CHST11: variants seen among roughly 807,000 people sequenced by gnomAD.
The protein encoded by CHST11 is C4S-1.
A neutral mutation model predicts 30.4 loss-of-function variants in CHST11; 9 were observed. The observed-to-expected ratio is 0.30, with a 90% CI of 0.18 to 0.52. The LOEUF (loss-of-function observed/expected upper bound fraction) is 0.52, where lower values mean the gene tolerates loss of function less well. Among genes scored for constraint, CHST11 ranks in the 20% least tolerant of loss-of-function variants. The pLI, the probability that CHST11 is intolerant of heterozygous loss-of-function variation, is 0.97. For synonymous variants in CHST11, 152 were observed against 187.8 expected, an observed-to-expected ratio of 0.81 and a Z score of 1.56; for missense variants, 348 against 460.6, an observed-to-expected ratio of 0.76 and a Z score of 2.24.
At chr12:104,481,293 A>G (rs2037619679) in intron 1 of CHST11, among the ~76,000 whole-genome samples, 1 of 152,094 alleles carries the variant, frequency 6.6e-6, no homozygotes, top group African/African-American at 2.4e-5. Context: ...TATGAGCACC[A>G]CACTCTTGCC....
intron 1 of CHST11, among the ~76,000 whole-genome samples, chr12:104,539,595 C>A (rs2038268472): frequency 6.6e-6 from 1 of 152,098 alleles, no homozygotes; most frequent in Non-Finnish European, 1.5e-5. Flanking sequence ...ACTGAGAAAG[C>A]CAGGACACGT....
At chr12:104,715,795 C>T (rs964079676) in intron 2 of CHST11, among the ~76,000 whole-genome samples, 1 of 152,188 alleles carries the variant, frequency 6.6e-6, no homozygotes, top group Non-Finnish European at 1.5e-5. Flanking sequence ...TGGGGGATAT[C>T]GCTCAGGGAT....
At chr12:104,589,362 C>G (rs918199958) in intron 1 of CHST11, among the ~76,000 whole-genome samples, 1 of 149,410 alleles carries the variant, frequency 6.7e-6, no homozygotes, top group Non-Finnish European at 1.5e-5. Context: ...GATTGTACCA[C>G]TGCACTCCAG....
At chr12:104,484,672 C>A (rs1332080745) in intron 1 of CHST11, among the ~76,000 whole-genome samples, 2 of 152,156 alleles carry the variant, frequency 1.3e-5, no homozygotes, top group African/African-American at 2.4e-5. Flanking sequence ...ATTGTTATCA[C>A]CCTAGTGGAG....
At chr12:104,669,441 G>T (rs751771477) in intron 2 of CHST11, among the ~76,000 whole-genome samples, 4 of 152,182 alleles carry the variant, frequency 2.6e-5, no homozygotes, top group Admixed American at 6.5e-5. Flanking sequence ...CCCTTGAAAA[G>T]GGATGCTTCT....
chr12:104,553,408 T>C (rs2038423342), intron 1 of CHST11: 1 of 152,384 alleles, frequency 6.6e-6, no homozygotes, highest in South Asian at 2.1e-4. Flanking sequence ...CTTACACTGC[T>C]ATAAAGAACT....
chr12:104,670,760 A>G (rs532268432), intron 2 of CHST11, among the ~76,000 whole-genome samples: 69 of 149,290 alleles, frequency 4.6e-4, no homozygotes, highest in African/African-American at 1.6e-3. Context: ...CCTCACATAC[A>G]CAAACCAATA....
chr12:104,713,797 G>A (rs911051048), intron 2 of CHST11, among the ~76,000 whole-genome samples: 10 of 152,200 alleles, frequency 6.6e-5, no homozygotes, highest in African/African-American at 2.4e-4. Flanking sequence ...TTCCTAACCG[G>A]TTTTCTCCCC....
chr12:104,545,185 TG>T (rs958241570), intron 1 of CHST11, among the ~76,000 whole-genome samples: 1 of 33,080 alleles, frequency 3.0e-5, no homozygotes, highest in Non-Finnish European at 7.5e-5. Flanking sequence ...ATCCATTCAT[TG>T]CCTTCTTAAA....
intron 1 of CHST11, among the ~76,000 whole-genome samples, chr12:104,584,771 T>G (rs540180383): frequency 6.6e-6 from 1 of 152,348 alleles, no homozygotes; most frequent in African/African-American, 2.4e-5. Context: ...TAAATGATAG[T>G]TCATATCCTA....
intron 2 of CHST11, among the ~76,000 whole-genome samples, chr12:104,639,365 C>T (rs745592491): frequency 6.6e-6 from 1 of 152,152 alleles, no homozygotes; most frequent in Non-Finnish European, 1.5e-5. Flanking sequence ...AACAAATGTC[C>T]ATAAGCTTGT....
intron 1 of CHST11, among the ~76,000 whole-genome samples, chr12:104,488,548 CGTGTATGT>C (rs2037709276): frequency 8.3e-6 from 1 of 121,204 alleles, no homozygotes; most frequent in African/African-American, 3.2e-5. Context: ...TGTATGTGTG[CGTGTATGT>C]GTGTGTATGC....
chr12:104,634,231 C>T (rs888035013), intron 2 of CHST11, among the ~76,000 whole-genome samples: 4 of 152,204 alleles, frequency 2.6e-5, no homozygotes, highest in Admixed American at 2.6e-4. Flanking sequence ...GTTCACAGTA[C>T]CATGAATCCC....
At chr12:104,558,537 T>G (rs1485802269) in intron 1 of CHST11, among the ~76,000 whole-genome samples, 41 of 101,430 alleles carry the variant, frequency 4.0e-4, no homozygotes, top group Non-Finnish European at 6.4e-4. Flanking sequence ...TCAGCAGAAA[T>G]TCCCCCCCCC....
chr12:104,580,375 G>A (rs780184815), intron 1 of CHST11, among the ~76,000 whole-genome samples: 1 of 152,174 alleles, frequency 6.6e-6, no homozygotes, highest in African/African-American at 2.4e-5. Context: ...TTTAAGAAAA[G>A]GGTTAATTAG....
Position 104,727,542 on chromosome 12 carries a change from T to G in CHST11, c.205-29407T>G, listed in dbSNP as rs142294468. Among the ~76,000 whole-genome samples the G allele has an allele frequency of 1.1e-4, 16 of 152,270 alleles. No homozygotes were observed. The East Asian group carries it at 2.9e-3, about 28-fold the overall frequency. ...ACACCTTGGAGCAGTGTTTTGGGTA[T>G]TGGTAGAGTGGAGATGATAAGACTG... On this transcript the variant is annotated intron_variant, in intron 2 of 2. Coordinates refer to ENST00000303694, the MANE Select transcript of CHST11 (RefSeq NM_018413.6).
chr12:104,598,177 A>G (rs2038925012), intron 1 of CHST11, among the ~76,000 whole-genome samples: 1 of 152,158 alleles, frequency 6.6e-6, no homozygotes, highest in African/African-American at 2.4e-5. Context: ...TCATGTGCAT[A>G]ATTGCTGGTC....
rs1243844781 is a variant in CHST11 at position 104,682,978 on chromosome 12, C to G, written c.205-73971C>G. Among the ~76,000 whole-genome samples, 3 of 152,230 alleles carry G rather than the reference C, an allele frequency of 2.0e-5. No individual in the cohort carries two copies. In the South Asian group the frequency reaches 6.2e-4, roughly 31 times the overall value. ...ACTTGTCTAATAGGGGTAAACTGTACTTATCTTCACGGGAGTGTTATGCAT... is the reference window on the plus strand; with the variant it reads ...ACTTGTCTAATAGGGGTAAACTGTAGTTATCTTCACGGGAGTGTTATGCAT... On this transcript the variant is annotated intron_variant, in intron 2 of 2. Coordinates refer to ENST00000303694, the MANE Select transcript of CHST11 (RefSeq NM_018413.6).
chr12:104,679,839 C>A (rs757990947), intron 2 of CHST11, among the ~76,000 whole-genome samples: 14 of 152,348 alleles, frequency 9.2e-5, no homozygotes, highest in Middle Eastern at 3.4e-3. Context: ...AGGCTCCTCA[C>A]AGCATCTCTG....
Sources: allele counts gnomAD v4.1 joint callset (sites outside exome capture counted in the v4.1 genomes callset), GRCh38; gene constraint gnomAD v4.1.1; transcripts MANE v1.5; gene names NCBI Gene and HGNC (gene_info 2026-07-23, HGNC 2026-07-21).